The following ANKS1B variants were observed in gnomAD, a reference collection of about 807,000 sequenced individuals.
ANKS1B encodes the protein ankyrin repeat and sterile alpha motif domain-containing protein 1B.
Under a neutral mutation model 148.3 loss-of-function variants are expected in ANKS1B, and 36 were observed. That is an observed-to-expected ratio of 0.24 (90% CI 0.19 to 0.32). The LOEUF is 0.32. ANKS1B is among the 10% of genes least tolerant of loss of function. The pLI is 1.00. For synonymous variants in ANKS1B, 542 were observed against 560.8 expected, an observed-to-expected ratio of 0.97 and a Z score of 0.47; for missense variants, 1,157 against 1,542.6, an observed-to-expected ratio of 0.75 and a Z score of 4.19.
At chr12:99,043,947 G>A (rs545707396) in intron 17 of ANKS1B, among the ~76,000 whole-genome samples, 1 of 152,206 alleles carries the variant, frequency 6.6e-6, no homozygotes, top group African/African-American at 2.4e-5. Flanking sequence ...AATCTATCTG[G>A]CTTTCCTTTC....
chr12:99,234,466 C>T (rs2153955861), intron 14 of ANKS1B, among the ~76,000 whole-genome samples: 1 of 152,220 alleles, frequency 6.6e-6, no homozygotes, highest in Non-Finnish European at 1.5e-5. Context: ...GTGAATTTAA[C>T]ATTAAGATTG....
chr12:99,810,005 G>C lies in ANKS1B; in HGVS notation c.372+2150C>G, dbSNP rs80039371. Among the ~76,000 whole-genome samples, 1,505 of 152,038 alleles carry C rather than the reference G, an allele frequency of 9.9e-3. 22 individuals are homozygous for C. Among genetic ancestry groups the C allele is most frequent in the African/African-American group, 0.034 (1,421 of 41,496 alleles). ...TAATCTAGGGCTTAGTAAGATAACGGGGATGAAGTATTTTGCACAATGCCT... is the reference window on the plus strand; with the variant it reads ...TAATCTAGGGCTTAGTAAGATAACGCGGATGAAGTATTTTGCACAATGCCT... On this transcript the variant is annotated intron_variant, in intron 3 of 26. Transcript: ENST00000683438.
At chr12:99,044,405 T>G (rs2099961005) in intron 17 of ANKS1B, among the ~76,000 whole-genome samples, 1 of 149,372 alleles carries the variant, frequency 6.7e-6, no homozygotes, top group East Asian at 2.3e-4. Context: ...ATTTACAAAG[T>G]CCAGGAGCGG....
intron 25 of ANKS1B, among the ~76,000 whole-genome samples, chr12:98,772,090 TGG>T (rs2098593251): frequency 5.3e-5 from 8 of 152,208 alleles, no homozygotes; most frequent in Non-Finnish European, 8.8e-5. Context: ...CTAAGTTGAA[TGG>T]AAGAATGAAA....
At chr12:99,177,101 A>G (rs2078490956) in intron 14 of ANKS1B, among the ~76,000 whole-genome samples, 1 of 152,182 alleles carries the variant, frequency 6.6e-6, no homozygotes, top group South Asian at 2.1e-4. Context: ...AGCCATAGAC[A>G]ACAGGTTGTA....
intron 25 of ANKS1B, among the ~76,000 whole-genome samples, chr12:98,752,414 A>G (rs2098118031): frequency 1.3e-5 from 2 of 151,782 alleles, no homozygotes; most frequent in South Asian, 4.2e-4. Flanking sequence ...ACGTGCCACC[A>G]CGCCCAGCTG....
At chr12:99,208,028 C>T (rs545075017) in intron 14 of ANKS1B, among the ~76,000 whole-genome samples, 2 of 152,126 alleles carry the variant, frequency 1.3e-5, no homozygotes, top group South Asian at 4.1e-4. Flanking sequence ...ATTTGATCTC[C>T]TGTGTTAAAA....
intron 16 of ANKS1B, among the ~76,000 whole-genome samples, chr12:99,084,100 T>C (rs755084515): frequency 1.3e-5 from 2 of 152,200 alleles, no homozygotes; most frequent in Non-Finnish European, 2.9e-5. Flanking sequence ...TAGGAGGGCC[T>C]ATACATGAAC....
At chr12:99,059,579 C>T (rs2041632697) in intron 16 of ANKS1B, among the ~76,000 whole-genome samples, 1 of 151,950 alleles carries the variant, frequency 6.6e-6, no homozygotes, top group Non-Finnish European at 1.5e-5. Flanking sequence ...AGACTTGATT[C>T]TATTAGCCAT....
At chr12:99,114,012 T>C (rs777955388) in intron 15 of ANKS1B, among the ~76,000 whole-genome samples, 1 of 152,206 alleles carries the variant, frequency 6.6e-6, no homozygotes, top group Non-Finnish European at 1.5e-5. Flanking sequence ...TATTCCTAGT[T>C]AGTGGAGTAA....
chr12:98,847,590 G>C (rs1169353368), intron 17 of ANKS1B, among the ~76,000 whole-genome samples: 1 of 61,710 alleles, frequency 1.6e-5, no homozygotes, highest in African/African-American at 8.5e-5. Context: ...ATCTCCTCAA[G>C]ATCTTAATTT....
At chr12:99,813,502 T>C (rs1055144427) in intron 2 of ANKS1B, among the ~76,000 whole-genome samples, 4 of 151,422 alleles carry the variant, frequency 2.6e-5, no homozygotes, top group Admixed American at 2.0e-4. Flanking sequence ...AGACTCTAGA[T>C]GCAAGTAACA....
intron 9 of ANKS1B, among the ~76,000 whole-genome samples, chr12:99,617,011 C>T (rs1165180492): frequency 1.3e-5 from 2 of 152,100 alleles, no homozygotes; most frequent in South Asian, 4.1e-4. Flanking sequence ...CAAAAGAAGA[C>T]ATTTATGTGG....
chr12:98,754,206 G>A (rs537266679), intron 25 of ANKS1B, among the ~76,000 whole-genome samples: 2 of 152,178 alleles, frequency 1.3e-5, no homozygotes, highest in Non-Finnish European at 2.9e-5. Flanking sequence ...TCCTTGCAAC[G>A]AACACTGAGC....
intron 10 of ANKS1B, among the ~76,000 whole-genome samples, chr12:99,445,715 T>C (rs975106159): frequency 5.9e-5 from 9 of 151,910 alleles, no homozygotes; most frequent in Non-Finnish European, 1.5e-5. Context: ...AAGTATACTG[T>C]TGGGTTTTTT....
chr12:98,745,885 C>T (rs1565952444), intron 26 of ANKS1B, 36 bp from the exon 27 acceptor site: 21 of 1,587,864 alleles, frequency 1.3e-5, no homozygotes, highest in Non-Finnish European at 1.8e-5. Context: ...GTTATACGGT[C>T]GCCGCGCGGG....
At chr12:99,212,431 C>T (rs866039755) in intron 14 of ANKS1B, among the ~76,000 whole-genome samples, 9 of 152,056 alleles carry the variant, frequency 5.9e-5, no homozygotes, top group East Asian at 3.9e-4. Context: ...TCCCCCTATG[C>T]AAACATACTC....
intron 22 of ANKS1B, among the ~76,000 whole-genome samples, chr12:98,784,643 A>C (rs2098772370): frequency 6.6e-6 from 1 of 152,228 alleles, no homozygotes; most frequent in African/African-American, 2.4e-5. Flanking sequence ...TGCCAGTTAA[A>C]GGAAGCAGAA....
At chr12:99,740,724 G>A (rs954709036) in intron 8 of ANKS1B, among the ~76,000 whole-genome samples, 1 of 152,176 alleles carries the variant, frequency 6.6e-6, no homozygotes, top group Non-Finnish European at 1.5e-5. Context: ...GAAATGGTTA[G>A]ACAGAGGGTG....
Sources: allele counts gnomAD v4.1 joint callset (sites outside exome capture counted in the v4.1 genomes callset), GRCh38; gene constraint gnomAD v4.1.1; transcripts MANE v1.5; gene names NCBI Gene and HGNC (gene_info 2026-07-23, HGNC 2026-07-21).